Variants in LRP1B observed in about 807,000 individuals in gnomAD.
LRP1B encodes LDL receptor related protein 1B.
A neutral mutation model predicts 556.6 loss-of-function variants in LRP1B; 217 were observed. The ratio of observed to expected loss-of-function variants is 0.39; its 90% CI spans 0.35 to 0.44. The LOEUF is 0.44. LRP1B is among the 20% of genes least tolerant of loss of function. LRP1B has a pLI of 1.00. For synonymous variants in LRP1B, 2,047 were observed against 1,865.8 expected (o/e 1.10, Z -2.50); for missense variants, 5,053 against 5,620.8 (o/e 0.90, Z 3.23).
intron 1 of LRP1B, among the ~76,000 whole-genome samples, chr2:141,940,148 A>T (rs1558974726): frequency 6.6e-6 from 1 of 152,130 alleles, no homozygotes. Context: ...GTAAGAGAAG[A>T]TACTTACAAA....
chr2:141,441,158 C>A (rs1680950220), intron 3 of LRP1B, among the ~76,000 whole-genome samples: 1 of 152,012 alleles, frequency 6.6e-6, no homozygotes, highest in Non-Finnish European at 1.5e-5. Context: ...TTCACTGCAA[C>A]CTCCACCTCC....
chr2:141,808,203 A>G (rs1329208238), intron 2 of LRP1B, among the ~76,000 whole-genome samples: 1 of 152,016 alleles, frequency 6.6e-6, no homozygotes, highest in Non-Finnish European at 1.5e-5. Flanking sequence ...ACACAGTTCT[A>G]TGGTGTTTCC....
At chr2:140,542,477 A>G (rs1680174590) in intron 43 of LRP1B, among the ~76,000 whole-genome samples, 1 of 152,142 alleles carries the variant, frequency 6.6e-6, no homozygotes, top group Non-Finnish European at 1.5e-5. Context: ...AGTAAAGACC[A>G]TACTTTCACT....
rs369918169 is a variant in LRP1B, at chr2:140,534,178, T to C, written c.7643-38A>G. Reference sequence around the variant, plus strand: ...AGTAGAAACACACAACCAGAGATCATATAGAAATATTTGTACAAAATGAAA... The same window carrying C: ...AGTAGAAACACACAACCAGAGATCACATAGAAATATTTGTACAAAATGAAA... On this transcript the variant is annotated intron_variant, in intron 46 of 90. Coordinates refer to ENST00000389484, the MANE Select transcript of LRP1B (RefSeq NM_018557.3). 1,627 of 1,564,882 alleles carry C rather than the reference T, an allele frequency of 1.0e-3. 28 individuals carry two copies. The South Asian group carries it at 0.016, about 15-fold the overall frequency.
chr2:142,062,573 T>C (rs1214429643), intron 1 of LRP1B, among the ~76,000 whole-genome samples: 1 of 151,764 alleles, frequency 6.6e-6, no homozygotes, highest in Non-Finnish European at 1.5e-5. Flanking sequence ...GCATGATTTA[T>C]CAGGGATGAC....
intron 2 of LRP1B, among the ~76,000 whole-genome samples, chr2:141,574,226 C>T (rs547099003): frequency 6.6e-6 from 1 of 152,208 alleles, no homozygotes; most frequent in African/African-American, 2.4e-5. Context: ...TCCAGGAGCA[C>T]ATCAAAAAAC....
chr2:141,809,676 C>T (rs1298656629), intron 2 of LRP1B, among the ~76,000 whole-genome samples: 2 of 152,030 alleles, frequency 1.3e-5, no homozygotes, highest in African/African-American at 2.4e-5. Context: ...TTCATGTATA[C>T]TAAGGGTTTC....
chr2:141,502,745 G>A (rs1440516219), intron 2 of LRP1B, among the ~76,000 whole-genome samples: 2 of 151,924 alleles, frequency 1.3e-5, no homozygotes, highest in Non-Finnish European at 2.9e-5. Context: ...TGTAGTCCCA[G>A]CTACTCAGGA....
At chr2:140,830,107 G>A (rs1286396023) in intron 31 of LRP1B, among the ~76,000 whole-genome samples, 1 of 151,800 alleles carries the variant, frequency 6.6e-6, no homozygotes, top group East Asian at 1.9e-4. Flanking sequence ...GAGATTAAAT[G>A]AGAATAAAAA....
chr2:140,910,935 A>G (rs962715501), intron 21 of LRP1B, among the ~76,000 whole-genome samples: 1 of 151,806 alleles, frequency 6.6e-6, no homozygotes, highest in Non-Finnish European at 1.5e-5. Flanking sequence ...AAATGTTTTC[A>G]TAAATATCTT....
intron 20 of LRP1B, among the ~76,000 whole-genome samples, chr2:140,943,277 C>T (rs568699222): frequency 6.6e-6 from 1 of 152,128 alleles, no homozygotes; most frequent in Admixed American, 6.6e-5. Flanking sequence ...CACCCAATTA[C>T]TTCTAGATGT....
rs1559131138 is a variant in LRP1B at position 141,544,334 on chromosome 2, C to CTTCTTCTTCTTCTTCTTCTT, written c.206-63821_206-63802dup. Among the ~76,000 whole-genome samples the CTTCTTCTTCTTCTTCTTCTT allele has an allele frequency of 3.8e-4, 25 of 66,440 alleles. 1 individual carries two copies. The highest frequency in any genetic ancestry group is 9.5e-4 in the Admixed American group (5 of 5,284). 43.6% of individuals were successfully genotyped at this position (66,440 alleles called of 152,430 possible). ...TCTTCTTCTTCTTCTTCTTCTTCTT[C>CTTCTTCTTCTTCTTCTTCTT]TTCTTCTTCTTCTTCTTCTTCTTCT... is the stretch of plus-strand genomic sequence containing the variant. On this transcript the variant is annotated intron_variant, in intron 2 of 90. Transcript: ENST00000389484.
chr2:142,078,133 T>G (rs1310167342), intron 1 of LRP1B, among the ~76,000 whole-genome samples: 1 of 152,150 alleles, frequency 6.6e-6, no homozygotes, highest in Non-Finnish European at 1.5e-5. Context: ...CCACACGATA[T>G]GCATACATCA....
At chr2:141,166,587 C>A (rs140368962) in intron 7 of LRP1B, among the ~76,000 whole-genome samples, 2,394 of 151,790 alleles carry the variant, frequency 0.016, 24 homozygotes, top group Middle Eastern at 0.041. Context: ...TCATTGTTGA[C>A]TGTAATCACC....
intron 1 of LRP1B, among the ~76,000 whole-genome samples, chr2:141,840,539 G>C (rs935199053): frequency 3.3e-5 from 5 of 152,028 alleles, no homozygotes; most frequent in African/African-American, 2.4e-5. Context: ...TTACAGGTGA[G>C]AGCCACCACG....
At chr2:140,541,182 C>A (rs2105017990) in intron 44 of LRP1B, 84 bp from the exon 45 acceptor site, 1 of 1,076,946 alleles carries the variant, frequency 9.3e-7, no homozygotes, top group Non-Finnish European at 1.4e-6. Context: ...AACTATTAGA[C>A]TGCCTCAATC....
chr2:141,136,940 A>G (rs1701506672), intron 7 of LRP1B, among the ~76,000 whole-genome samples: 1 of 151,932 alleles, frequency 6.6e-6, no homozygotes, highest in Admixed American at 6.6e-5. Flanking sequence ...TTCTATAGAT[A>G]CTATTTTCCC....
intron 3 of LRP1B, among the ~76,000 whole-genome samples, chr2:141,467,194 G>T (rs1257070750): frequency 2.7e-5 from 4 of 150,414 alleles, no homozygotes; most frequent in Admixed American, 6.6e-5. Flanking sequence ...AGAGAGCGCG[G>T]GGGGAATTAT....
chr2:141,059,919 G>A (rs1574031955), intron 8 of LRP1B, among the ~76,000 whole-genome samples: 2 of 151,902 alleles, frequency 1.3e-5, no homozygotes, highest in Admixed American at 6.6e-5. Flanking sequence ...CTGTTCCAGG[G>A]TAAAGTGAAG....
Sources: allele counts gnomAD v4.1 joint callset (sites outside exome capture counted in the v4.1 genomes callset), GRCh38; gene constraint gnomAD v4.1.1; transcripts MANE v1.5; gene names NCBI Gene and HGNC (gene_info 2026-07-23, HGNC 2026-07-21).